The following METTL8 variants were observed in gnomAD, a reference collection of about 807,000 sequenced individuals.
METTL8 encodes the protein tRNA N(3)-cytidine methyltransferase METTL8, mitochondrial.
A neutral mutation model predicts 48.7 loss-of-function variants in METTL8; 32 were observed. The observed-to-expected ratio is 0.66, with a 90% CI of 0.50 to 0.88. The LOEUF is 0.88. METTL8 is among the 40% of genes least tolerant of loss of function. The probability of loss-of-function intolerance (pLI) is 0.00; values close to 1 mark genes in which losing one functional copy is unlikely to be tolerated. For synonymous variants in METTL8, 136 were observed against 157.1 expected (o/e 0.87, Z 1.01); for missense variants, 464 against 474.4 (o/e 0.98, Z 0.20).
chr2:171,339,946 C>T (rs1686536800), intron 3 of METTL8, among the ~76,000 whole-genome samples: 1 of 152,176 alleles, frequency 6.6e-6, no homozygotes, highest in Non-Finnish European at 1.5e-5. Context: ...TGCCTGTAAT[C>T]CCAGCACTTT....
intron 5 of METTL8, among the ~76,000 whole-genome samples, chr2:171,336,311 G>A (rs1356020146): frequency 6.8e-6 from 1 of 147,992 alleles, no homozygotes; most frequent in African/African-American, 2.5e-5. Context: ...TGGCCAGGCT[G>A]GTCTCGAACT....
chr2:171,401,428 CA>C (rs957910253), intron 1 of METTL8, among the ~76,000 whole-genome samples: 9 of 152,104 alleles, frequency 5.9e-5, no homozygotes, highest in African/African-American at 2.2e-4. Context: ...AAGAACAGAA[CA>C]ACAACAATAA....
At chr2:171,376,872 G>T (rs577783497) in intron 2 of METTL8, among the ~76,000 whole-genome samples, 7 of 152,016 alleles carry the variant, frequency 4.6e-5, no homozygotes, top group Non-Finnish European at 8.8e-5. Context: ...AACCAAAAAA[G>T]AGCCCATAGA....
chr2:171,359,962 A>T (rs920997505), intron 3 of METTL8, among the ~76,000 whole-genome samples: 17 of 152,298 alleles, frequency 1.1e-4, no homozygotes, highest in Admixed American at 1.1e-3. Flanking sequence ...GGCTTTTCTT[A>T]AATTAAATAT....
rs1684540225 is a variant in METTL8 at position 171,321,941 on chromosome 2, T to C, written c.*2231A>G. On this transcript the variant is annotated 3_prime_UTR_variant, in exon 10 of 10. Coordinates refer to ENST00000375258, the MANE Select transcript of METTL8 (RefSeq NM_001321154.2). ...ATTTGCAAGCCAACTTATGTCCTTTTTGAAGCAAGGGAGTAAATAAATTTT... is the reference window on the plus strand; with the variant it reads ...ATTTGCAAGCCAACTTATGTCCTTTCTGAAGCAAGGGAGTAAATAAATTTT... The C allele has an allele frequency of 6.6e-6, 1 of 151,974 alleles. No homozygotes were observed. Among genetic ancestry groups the C allele is most frequent in the Admixed American group, 6.6e-5 (1 of 15,186 alleles). 9.4% of individuals were successfully genotyped at this position (151,974 alleles called of 1,614,324 possible). A position where few individuals can be genotyped will look rare whatever the true frequency, so the allele number is the denominator to read the frequency against.
chr2:171,371,306 C>T (rs190281070), intron 2 of METTL8, among the ~76,000 whole-genome samples: 1 of 152,206 alleles, frequency 6.6e-6, no homozygotes, highest in Admixed American at 6.5e-5. Context: ...ATGAATATTT[C>T]AGTTGGTTAC....
chr2:171,373,625 A>C (rs1686617410), intron 2 of METTL8, among the ~76,000 whole-genome samples: 1 of 152,204 alleles, frequency 6.6e-6, no homozygotes, highest in Non-Finnish European at 1.5e-5. Flanking sequence ...TCTAACATTT[A>C]AGTCTTTAAT....
At position 171,322,017 on chromosome 2, in the gene METTL8, C is replaced by T. The variant is rs1684545170; in HGVS notation, c.*2155G>A. 1 of 149,912 alleles carries T rather than the reference C, an allele frequency of 6.7e-6. No individual in the cohort carries two copies. The highest frequency in any genetic ancestry group is 1.5e-5 in the Non-Finnish European group (1 of 67,792). The allele number at this position is 149,912 out of a possible 1,614,324, so 9.3% of individuals were successfully genotyped here. The stretch of plus-strand genomic sequence containing the variant: ...AACAACTGTCACCCAGGCTGGAGGG[C>T]AGTGGTGTCATCTCGGCTCACTGCA... On this transcript the variant is annotated 3_prime_UTR_variant, in exon 10 of 10. Transcript: ENST00000375258.
rs61731489 is a variant in METTL8 at position 171,339,365 on chromosome 2, G to C, written c.425C>G (p.Ser142Ter). ...HVKTSATNRF[S>*]RMHCPTVPDE... is the part of the protein sequence containing the mutation. ...AGGCACAGTAGGACAGTGCATTCTTGAGAAACGATTTGTAGCACTAGTTTT... is the reference window on the plus strand; with the variant it reads ...AGGCACAGTAGGACAGTGCATTCTTCAGAAACGATTTGTAGCACTAGTTTT... The change falls in exon 4 of 10, where the codon TCA (serine) becomes TGA (stop). Residue 142 changes from serine to a stop codon, truncating the protein, a stop_gained. Coordinates refer to ENST00000375258, the MANE Select transcript of METTL8 (RefSeq NM_001321154.2). LOFTEE classifies it high-confidence loss of function. 1 of 1,613,064 alleles carries C rather than the reference G, an allele frequency of 6.2e-7. No homozygotes were observed. The highest frequency in any genetic ancestry group is 1.7e-4 in the Middle Eastern group (1 of 6,058).
chr2:171,425,355 C>T (rs1334904166), intron 1 of METTL8, among the ~76,000 whole-genome samples: 1 of 152,212 alleles, frequency 6.6e-6, no homozygotes, highest in African/African-American at 2.4e-5. Flanking sequence ...CCCCCTCATC[C>T]TCTGCATAGT....
rs2105381765 is a variant in METTL8, at chr2:171,324,309, C to T, written c.1087G>A (p.Val363Ile). ...KASLDEKQNLVDRRLQVNRKK... is the reference protein window; with the variant it reads ...KASLDEKQNLIDRRLQVNRKK... ...CTATTAACTTGTAAGCGGCGATCAA[C>T]CAGATTTTGCTTTTCATCTAAACTG... The change falls in exon 10 of 10, where the codon GTT becomes ATT. Residue 363 changes from valine to isoleucine, a missense_variant. By Grantham distance (29) the Val-to-Ile change is conservative (BLOSUM62 3). Transcript: ENST00000375258. The T allele has an allele frequency of 1.3e-6, 2 of 1,551,634 alleles. No homozygotes were observed. The highest frequency in any genetic ancestry group is 1.7e-6 in the Non-Finnish European group (2 of 1,146,996).
intron 5 of METTL8, among the ~76,000 whole-genome samples, chr2:171,333,810 T>C (rs1425905951): frequency 1.3e-5 from 2 of 152,190 alleles, no homozygotes; most frequent in Admixed American, 6.5e-5. Context: ...CATAGTTGCA[T>C]GACCTTGGGC....
intron 2 of METTL8, among the ~76,000 whole-genome samples, chr2:171,361,253 C>CT (rs67676770): frequency 0.36 from 51,122 of 143,388 alleles, 9,506 homozygotes; most frequent in East Asian, 0.7. Flanking sequence ...ACAAAGTTTG[C>CT]TTTTTTTTTT....
At chr2:171,396,316 AATC>A (rs1689061133) in intron 1 of METTL8, among the ~76,000 whole-genome samples, 1 of 152,102 alleles carries the variant, frequency 6.6e-6, no homozygotes, top group Admixed American at 6.6e-5. Context: ...AAAGTATTAA[AATC>A]ATACAGAGTG....
At chr2:171,336,892 T>G (rs1686179227) in intron 5 of METTL8, among the ~76,000 whole-genome samples, 1 of 127,356 alleles carries the variant, frequency 7.9e-6, no homozygotes, top group East Asian at 2.2e-4. Flanking sequence ...TTTTTGAGAC[T>G]GAGTTTTGCA....
rs570038936 is a variant in METTL8, at chr2:171,382,452, G to A, written c.143+9591C>T. Among the ~76,000 whole-genome samples the A allele has an allele frequency of 7.9e-5, 12 of 152,266 alleles. No homozygotes were observed. The East Asian group carries it at 1.9e-3, about 25-fold the overall frequency. On this transcript the variant is annotated intron_variant, in intron 2 of 9. Transcript: ENST00000375258. Reference sequence around the variant, plus strand: ...CATCATCCTCAGCAAACTAACGCAGGAATAGAAAACCAAACACTGCATGTT... The same window carrying A: ...CATCATCCTCAGCAAACTAACGCAGAAATAGAAAACCAAACACTGCATGTT...
chr2:171,399,706 G>A (rs527411254), intron 1 of METTL8, among the ~76,000 whole-genome samples: 6 of 152,190 alleles, frequency 3.9e-5, no homozygotes, highest in Non-Finnish European at 8.8e-5. Context: ...TAAAATGTAT[G>A]TAATGCACAT....
chr2:171,402,593 A>G (rs1689750880), intron 1 of METTL8, among the ~76,000 whole-genome samples: 1 of 152,172 alleles, frequency 6.6e-6, no homozygotes. Context: ...GTAGATATGT[A>G]TGTATACATT....
rs143137774 is a variant in METTL8, at chr2:171,396,724, A to G, written c.-12-4527T>C. Among the ~76,000 whole-genome samples, 1,159 of 152,380 alleles carry G rather than the reference A, an allele frequency of 7.6e-3. 13 individuals are homozygous for G. The highest frequency in any genetic ancestry group is 0.027 in the African/African-American group (1,112 of 41,596). ...ATTAGAAAATATGTTGAACTGAATG[A>G]TAACAAAATCTGAAAATATCAAAAT... On this transcript the variant is annotated intron_variant, in intron 1 of 9. Coordinates refer to ENST00000375258, the MANE Select transcript of METTL8 (RefSeq NM_001321154.2).
Sources: allele counts gnomAD v4.1 joint callset (sites outside exome capture counted in the v4.1 genomes callset), GRCh38; gene constraint gnomAD v4.1.1; transcripts MANE v1.5; gene names NCBI Gene and HGNC (gene_info 2026-07-23, HGNC 2026-07-21).